MDGA2: variants seen among roughly 807,000 people sequenced by gnomAD.
MDGA2 encodes the protein MAM domain containing glycosylphosphatidylinositol anchor 2.
Under a neutral mutation model 117.8 loss-of-function variants are expected in MDGA2, and 40 were observed. The observed-to-expected ratio is 0.34, with a 90% CI of 0.26 to 0.44. MDGA2 has a LOEUF of 0.44. Among genes scored for constraint, MDGA2 ranks in the 20% least tolerant of loss-of-function variants. The pLI is 1.00. For synonymous variants in MDGA2, 452 were observed against 439.0 expected (o/e 1.03, Z -0.37); for missense variants, 1,123 against 1,250.6 (o/e 0.90, Z 1.54).
intron 1 of MDGA2, among the ~76,000 whole-genome samples, chr14:47,586,644 T>C (rs1161579813): frequency 2.0e-5 from 3 of 151,860 alleles, no homozygotes; most frequent in East Asian, 1.9e-4. Context: ...CAGCATTCAT[T>C]TGGCAGTGGT....
intron 1 of MDGA2, among the ~76,000 whole-genome samples, chr14:47,326,075 A>G (rs540669588): frequency 6.6e-6 from 1 of 152,236 alleles, no homozygotes; most frequent in Non-Finnish European, 1.5e-5. Context: ...TTGAGGAAAA[A>G]TATGTGCATG....
rs1408213553 is a variant in MDGA2, at chr14:47,521,968, A to T, written c.280+152549T>A. On this transcript the variant is annotated intron_variant, in intron 1 of 16. Transcript: ENST00000399232. ...ATTACAAACGTGAACCACCGCACCC[A>T]GCCCATAGGCATGTTTATACTTACT... is the stretch of plus-strand genomic sequence containing the variant. Among the ~76,000 whole-genome samples the T allele has an allele frequency of 7.2e-5, 11 of 152,258 alleles. No individual in the cohort carries two copies. In the South Asian group the frequency reaches 2.1e-3, roughly 29 times the overall value.
chr14:47,424,787 A>G lies in MDGA2; in HGVS notation c.281-123237T>C, dbSNP rs1408688978. ...CATAAGAAAAATACTGATTTCATAG[A>G]CTAAGATAGAAGTTCTCATTCTCCA... On this transcript the variant is annotated intron_variant, in intron 1 of 16. Transcript: ENST00000399232. 2.6e-5 allele frequency among the ~76,000 whole-genome samples: 4 copies of G among 152,194 alleles called. No homozygotes were observed. The East Asian group carries it at 7.7e-4, about 29-fold the overall frequency.
intron 3 of MDGA2, among the ~76,000 whole-genome samples, chr14:47,195,470 GT>G (rs1885255263): frequency 6.6e-6 from 1 of 151,936 alleles, no homozygotes; most frequent in African/African-American, 2.4e-5. Flanking sequence ...TGATGAACTG[GT>G]TTTATTGGGC....
intron 1 of MDGA2, among the ~76,000 whole-genome samples, chr14:47,617,994 C>G (rs1896978287): frequency 6.6e-6 from 1 of 152,164 alleles, no homozygotes; most frequent in African/African-American, 2.4e-5. Flanking sequence ...ATCTGAGAGT[C>G]TGAATTCAGC....
chr14:47,001,381 C>G (rs1887525042), intron 8 of MDGA2, among the ~76,000 whole-genome samples: 1 of 151,812 alleles, frequency 6.6e-6, no homozygotes, highest in Non-Finnish European at 1.5e-5. Context: ...AGCAACAAAA[C>G]AGGATGAAAA....
At chr14:47,654,155 A>G (rs1018240920) in intron 1 of MDGA2, among the ~76,000 whole-genome samples, 2 of 152,188 alleles carry the variant, frequency 1.3e-5, no homozygotes, top group African/African-American at 4.8e-5. Context: ...TCAGGTACAG[A>G]ACTTAATTAT....
chr14:47,317,360 C>T lies in MDGA2; in HGVS notation c.281-15810G>A, dbSNP rs369009112. ...GAAGTAATCATTAATTTTGAGAAAC[C>T]TAAGGACTGTCTTGCACATGATATA... On this transcript the variant is annotated intron_variant, in intron 1 of 16. Transcript: ENST00000399232. Among the ~76,000 whole-genome samples the T allele has an allele frequency of 4.2e-3, 637 of 152,122 alleles. 7 individuals carry two copies. Among genetic ancestry groups the T allele is most frequent in the African/African-American group, 0.014 (598 of 41,520 alleles).
chr14:47,183,721 A>T (rs1246254859), intron 3 of MDGA2, among the ~76,000 whole-genome samples: 2 of 152,100 alleles, frequency 1.3e-5, no homozygotes, highest in African/African-American at 4.8e-5. Context: ...TCTCTAAAAC[A>T]TAAATTCGAG....
chr14:47,396,202 C>T (rs1892004822), intron 1 of MDGA2, among the ~76,000 whole-genome samples: 1 of 151,972 alleles, frequency 6.6e-6, no homozygotes, highest in Non-Finnish European at 1.5e-5. Flanking sequence ...TCTGTTCTAC[C>T]TTATGTAATG....
intron 2 of MDGA2, among the ~76,000 whole-genome samples, chr14:47,250,029 G>A (rs1213187865): frequency 6.6e-6 from 1 of 152,204 alleles, no homozygotes; most frequent in Non-Finnish European, 1.5e-5. Flanking sequence ...AAAAGCATCA[G>A]AATGACATGG....
At chr14:47,094,866 G>T (rs142434325) in intron 6 of MDGA2, among the ~76,000 whole-genome samples, 12 of 151,948 alleles carry the variant, frequency 7.9e-5, no homozygotes, top group African/African-American at 2.7e-4. Context: ...AAAAAAATGG[G>T]GTAGAGAGAG....
At chr14:47,627,635 C>T (rs1447653831) in intron 1 of MDGA2, among the ~76,000 whole-genome samples, 1 of 152,158 alleles carries the variant, frequency 6.6e-6, no homozygotes, top group African/African-American at 2.4e-5. Flanking sequence ...ACAGACCAAT[C>T]GGCTCTCTGT....
intron 1 of MDGA2, among the ~76,000 whole-genome samples, chr14:47,564,629 G>A (rs961336169): frequency 1.3e-5 from 2 of 152,148 alleles, no homozygotes; most frequent in Non-Finnish European, 2.9e-5. Context: ...ATCAGATTTG[G>A]GTGGGGACAC....
intron 8 of MDGA2, among the ~76,000 whole-genome samples, chr14:47,009,169 T>C (rs1887812364): frequency 6.6e-6 from 1 of 152,036 alleles, no homozygotes. Context: ...AGTTCACATT[T>C]TCCACATAAA....
chr14:47,305,866 G>A (rs542629212), intron 1 of MDGA2, among the ~76,000 whole-genome samples: 1 of 152,260 alleles, frequency 6.6e-6, no homozygotes, highest in African/African-American at 2.4e-5. Flanking sequence ...TCTGCCTGGG[G>A]GAGTCTAACA....
intron 1 of MDGA2, among the ~76,000 whole-genome samples, chr14:47,467,243 C>A (rs1441265157): frequency 6.6e-6 from 1 of 152,050 alleles, no homozygotes; most frequent in Non-Finnish European, 1.5e-5. Context: ...GTTTCCTTTA[C>A]CCTCATCAAA....
intron 3 of MDGA2, among the ~76,000 whole-genome samples, chr14:47,154,883 G>A (rs775337234): frequency 6.6e-6 from 1 of 152,126 alleles, no homozygotes; most frequent in African/African-American, 2.4e-5. Context: ...TGTAGCATGG[G>A]GCCTAGGCTG....
chr14:46,954,806 T>C (rs1885501422), intron 9 of MDGA2, among the ~76,000 whole-genome samples: 1 of 152,130 alleles, frequency 6.6e-6, no homozygotes, highest in Non-Finnish European at 1.5e-5. Context: ...CTAGCTAGCT[T>C]CCTAAAATAT....
Sources: gnomAD v4.1 joint callset for allele counts (sites outside exome capture counted in the v4.1 genomes callset) on GRCh38, gnomAD v4.1.1 for gene constraint, MANE v1.5 for transcripts, NCBI Gene and HGNC (gene_info 2026-07-23, HGNC 2026-07-21) for gene names.